Variants in OXCT1 observed in about 807,000 individuals in gnomAD.
OXCT1 encodes 3-oxoacid CoA-transferase 1, also known as succinyl-CoA:3-ketoacid coenzyme A transferase 1, mitochondrial.
In OXCT1, 27 loss-of-function variants were observed where a neutral mutation model predicts 69.6. The observed-to-expected ratio is 0.39, with a 90% CI of 0.29 to 0.54. OXCT1 has a LOEUF of 0.54. OXCT1 is among the 20% of genes least tolerant of loss of function. OXCT1 has a pLI of 0.72. For missense variants in OXCT1, 437 were observed against 650.2 expected, an observed-to-expected ratio of 0.67 and a Z score of 3.57; for synonymous variants, 202 against 217.8, an observed-to-expected ratio of 0.93 and a Z score of 0.64.
At chr5:41,772,985 G>T (rs1744948260) in intron 13 of OXCT1, among the ~76,000 whole-genome samples, 1 of 152,144 alleles carries the variant, frequency 6.6e-6, no homozygotes, top group African/African-American at 2.4e-5. Context: ...AGGCAACAGA[G>T]AATGCTGAAG....
chr5:41,801,702 T>C (rs1328305653), intron 10 of OXCT1, among the ~76,000 whole-genome samples: 1 of 152,048 alleles, frequency 6.6e-6, no homozygotes, highest in African/African-American at 2.4e-5. Context: ...TGAATTTGGG[T>C]TTCTAATCTT....
At chr5:41,815,946 T>G (rs532506134) in intron 7 of OXCT1, among the ~76,000 whole-genome samples, 74 of 152,184 alleles carry the variant, frequency 4.9e-4, no homozygotes, top group African/African-American at 1.7e-3. Context: ...TATTTGAGGC[T>G]GTTAATCATC....
rs60809609 is a variant in OXCT1 at position 41,744,188 on chromosome 5, C to G, written c.1420-4697G>C. 0.014 allele frequency among the ~76,000 whole-genome samples: 2,200 copies of G among 152,148 alleles called. 130 individuals are homozygous for G. The East Asian group carries it at 0.15, about 11-fold the overall frequency. Reference sequence around the variant, plus strand: ...TGGTTTGAAGAGGTCCTTCAGGTCCCTTGTAAGTTGGATTCCTAGGTATTT... The same window carrying G: ...TGGTTTGAAGAGGTCCTTCAGGTCCGTTGTAAGTTGGATTCCTAGGTATTT... On this transcript the variant is annotated intron_variant, in intron 15 of 16. Transcript: ENST00000196371.
intron 5 of OXCT1, among the ~76,000 whole-genome samples, chr5:41,845,358 T>A (rs950681712): frequency 6.6e-6 from 1 of 152,150 alleles, no homozygotes; most frequent in Admixed American, 6.5e-5. Context: ...GATAATTAAT[T>A]CTCTTTGCTG....
intron 1 of OXCT1, among the ~76,000 whole-genome samples, chr5:41,865,084 T>C (rs1749902586): frequency 6.6e-6 from 1 of 152,192 alleles, no homozygotes; most frequent in South Asian, 2.1e-4. Context: ...CAAGCATTTA[T>C]CCTTTGAGTT....
intron 13 of OXCT1, among the ~76,000 whole-genome samples, chr5:41,782,132 T>C (rs1745434148): frequency 6.7e-6 from 1 of 149,920 alleles, no homozygotes; most frequent in African/African-American, 2.5e-5. Flanking sequence ...TTTTTTTTAA[T>C]TTTTAGTAAT....
At chr5:41,735,611 T>C (rs1251999848) in intron 16 of OXCT1, among the ~76,000 whole-genome samples, 1 of 152,210 alleles carries the variant, frequency 6.6e-6, no homozygotes, top group Non-Finnish European at 1.5e-5. Context: ...TAGGAAAGCA[T>C]TACTGAACAG....
At chr5:41,801,866 T>C (rs1457297369) in intron 10 of OXCT1, among the ~76,000 whole-genome samples, 1 of 152,012 alleles carries the variant, frequency 6.6e-6, no homozygotes, top group Non-Finnish European at 1.5e-5. Context: ...ATATATTCGA[T>C]GAAAAGAGAG....
Position 41,805,780 on chromosome 5 carries a change from C to T in OXCT1, c.841-99G>A, listed in dbSNP as rs919962680. On this transcript the variant is annotated intron_variant, in intron 8 of 16. Coordinates refer to ENST00000196371, the MANE Select transcript of OXCT1 (RefSeq NM_000436.4). Reference sequence around the variant, plus strand: ...TACTGGAAAAAAAGATGAGCTCTCTCCCATTGTTATGAGACAAATCTGCAA... The same window carrying T: ...TACTGGAAAAAAAGATGAGCTCTCTTCCATTGTTATGAGACAAATCTGCAA... 4 of 794,420 alleles carry T rather than the reference C, an allele frequency of 5.0e-6. No individual in the cohort carries two copies. In the African/African-American group the frequency reaches 6.8e-5, roughly 13 times the overall value. 49.2% of individuals were successfully genotyped at this position (794,420 alleles called of 1,614,324 possible).
In OXCT1 at chr5:41,870,336, G is replaced by A. The variant is rs1414612476; in HGVS notation, c.23C>T (p.Ser8Phe). The A allele has an allele frequency of 1.9e-6, 3 of 1,613,676 alleles. No individual in the cohort carries two copies. Among genetic ancestry groups the A allele is most frequent in the African/African-American group, 1.3e-5 (1 of 74,950 alleles). Residue 8 changes from serine to phenylalanine, a missense_variant, in exon 1 of 17, where the codon TCC becomes TTC. Coordinates refer to ENST00000196371, the MANE Select transcript of OXCT1 (RefSeq NM_000436.4). This position sits in a 1 kb window ranked among gnomAD's most constrained non-coding sequence, Gnocchi z 4.2. ...AGAGGCGCAGAGCCGAAGCCCGGAG[G>A]AGAGGAGTTTGAGAGCCGCCATCTT... MAALKLLSSGLRLCASAR... is the reference protein window; with the variant it reads MAALKLLFSGLRLCASAR...
chr5:41,786,155 G>T (rs967800091), intron 13 of OXCT1, among the ~76,000 whole-genome samples: 1 of 152,112 alleles, frequency 6.6e-6, no homozygotes, highest in African/African-American at 2.4e-5. Flanking sequence ...GAAGCTGCTG[G>T]GGAAGCATCC....
intron 7 of OXCT1, among the ~76,000 whole-genome samples, chr5:41,809,240 A>C (rs1746844349): frequency 6.6e-6 from 1 of 152,070 alleles, no homozygotes; most frequent in Non-Finnish European, 1.5e-5. Flanking sequence ...GTAATAGTAC[A>C]AGTGGTTTTT....
chr5:41,756,465 A>G (rs970463693), intron 14 of OXCT1, among the ~76,000 whole-genome samples: 1 of 152,124 alleles, frequency 6.6e-6, no homozygotes, highest in Admixed American at 6.6e-5. Flanking sequence ...AACCTCTATG[A>G]AATTCTGCCT....
At chr5:41,835,982 T>C (rs567573460) in intron 7 of OXCT1, among the ~76,000 whole-genome samples, 1 of 152,058 alleles carries the variant, frequency 6.6e-6, no homozygotes, top group African/African-American at 2.4e-5. Flanking sequence ...CAGAGAAACT[T>C]AGATGGTAGG....
intron 13 of OXCT1, among the ~76,000 whole-genome samples, chr5:41,782,334 C>G (rs951042775): frequency 6.6e-6 from 1 of 151,900 alleles, no homozygotes; most frequent in Non-Finnish European, 1.5e-5. Flanking sequence ...CCTGCCTCAG[C>G]CTTCCAAGAA....
At position 41,762,300 on chromosome 5, in the gene OXCT1, C is replaced by T. The variant is rs995440613; in HGVS notation, c.1249-100G>A. On this transcript the variant is annotated intron_variant, in intron 13 of 16. Transcript: ENST00000196371. The surrounding 1 kb of genome is among the most constrained non-coding windows in gnomAD (Gnocchi z 4.0). ...AATAAGCTACTAGAATCATTAAAAA[C>T]TCATTGTCCTTCATTGCTTAGTGCT... The T allele has an allele frequency of 8.7e-6, 8 of 923,204 alleles. No individual in the cohort carries two copies. In the Middle Eastern group the frequency reaches 1.3e-3, roughly 146 times the overall value. The allele number at this position is 923,204 out of a possible 1,614,324, so 57.2% of individuals were successfully genotyped here.
intron 13 of OXCT1, among the ~76,000 whole-genome samples, chr5:41,787,796 C>A (rs564231460): frequency 5.9e-5 from 9 of 152,042 alleles, no homozygotes; most frequent in African/African-American, 2.2e-4. Flanking sequence ...TAAACTGCAA[C>A]TAAAGGCTAC....
At chr5:41,779,247 T>C (rs867430854) in intron 13 of OXCT1, among the ~76,000 whole-genome samples, 23 of 152,224 alleles carry the variant, frequency 1.5e-4, no homozygotes, top group African/African-American at 5.3e-4. Flanking sequence ...ATTTTAGCTT[T>C]GGGTTCTGTT....
chr5:41,782,855 T>A (rs1399254846), intron 13 of OXCT1, among the ~76,000 whole-genome samples: 1 of 152,278 alleles, frequency 6.6e-6, no homozygotes, highest in East Asian at 1.9e-4. Context: ...AAGAGATAGG[T>A]CCTAATATTG....
Sources: allele counts gnomAD v4.1 joint callset (sites outside exome capture counted in the v4.1 genomes callset), GRCh38; gene constraint gnomAD v4.1.1; non-coding constraint Gnocchi (gnomAD v3.1); transcripts MANE v1.5; gene names NCBI Gene and HGNC (gene_info 2026-07-23, HGNC 2026-07-21).